The following PLA2G4E variants were observed in gnomAD, a reference collection of about 807,000 sequenced individuals.
The protein encoded by PLA2G4E is cytosolic phospholipase A2 epsilon.
Under a neutral mutation model 109.1 loss-of-function variants are expected in PLA2G4E, and 84 were observed. The ratio of observed to expected loss-of-function variants is 0.77; its 90% CI spans 0.65 to 0.92. The LOEUF is 0.92. Ranked by LOEUF, PLA2G4E falls within the 40% of genes least tolerant of loss-of-function variation. The probability of loss-of-function intolerance (pLI) is 0.00; values close to 1 mark genes in which losing one functional copy is unlikely to be tolerated. For synonymous variants in PLA2G4E, 469 were observed against 436.1 expected, an observed-to-expected ratio of 1.08 and a Z score of -0.94; for missense variants, 1,057 against 1,076.6, an observed-to-expected ratio of 0.98 and a Z score of 0.25.
intron 18 of PLA2G4E, 81 bp downstream of exon 18, chr15:41,985,758 A>G: frequency 8.8e-6 from 13 of 1,481,994 alleles, no homozygotes; most frequent in Non-Finnish European, 1.2e-5. Context: ...TTCCCAGTTC[A>G]CAGCGAGTGA....
intron 1 of PLA2G4E, among the ~76,000 whole-genome samples, chr15:42,028,370 TA>T (rs1306707408): frequency 1.1e-3 from 121 of 112,252 alleles, no homozygotes; most frequent in African/African-American, 3.2e-3. Flanking sequence ...GTTTTTATTT[TA>T]TTTATTTATT....
At chr15:42,007,856 G>C (rs765554209) in exon 3 of PLA2G4E, 6 of 1,603,364 alleles carry the variant, frequency 3.7e-6, no homozygotes, top group Non-Finnish European at 5.1e-6. Flanking sequence ...AAAACAGTCT[G>C]TCTGGCTCAC....
intron 2 of PLA2G4E, among the ~76,000 whole-genome samples, chr15:42,008,548 A>C (rs2068500944): frequency 6.6e-6 from 1 of 152,164 alleles, no homozygotes; most frequent in Admixed American, 6.5e-5. Context: ...TGAACAACCC[A>C]AGTGTGATGT....
At chr15:42,048,650 C>T (rs1237330766) in intron 1 of PLA2G4E, among the ~76,000 whole-genome samples, 6 of 152,060 alleles carry the variant, frequency 3.9e-5, no homozygotes, top group African/African-American at 9.7e-5. Context: ...ACAATGACAG[C>T]GAGCCGCATT....
intron 1 of PLA2G4E, among the ~76,000 whole-genome samples, chr15:42,039,041 A>G (rs1889268940): frequency 6.6e-6 from 1 of 152,108 alleles, no homozygotes. Flanking sequence ...GCATCTTTTC[A>G]AGATCTTTTA....
At chr15:42,029,695 GT>G (rs921134053) in intron 1 of PLA2G4E, among the ~76,000 whole-genome samples, 2 of 152,316 alleles carry the variant, frequency 1.3e-5, no homozygotes, top group African/African-American at 4.8e-5. Flanking sequence ...ACTTGGGTAA[GT>G]TTATCCCTCT....
intron 3 of PLA2G4E, among the ~76,000 whole-genome samples, chr15:42,007,252 T>C (rs1196098933): frequency 2.0e-5 from 3 of 152,194 alleles, no homozygotes; most frequent in African/African-American, 7.2e-5. Context: ...AGTCATCATA[T>C]ATCTGAAGAA....
At chr15:41,993,928 G>A (rs1378761678) in intron 12 of PLA2G4E, among the ~76,000 whole-genome samples, 1 of 152,162 alleles carries the variant, frequency 6.6e-6, no homozygotes, top group Admixed American at 6.5e-5. Flanking sequence ...CAGGCCAGGG[G>A]ACCCCACCCA....
chr15:42,022,841 C>T lies in PLA2G4E; in HGVS notation c.184-9084G>A, dbSNP rs536182716. ...GGGCCCCTGGTTTACAGAGCTCTGCCACACAACTAAGAACTGGCTAGGGAA... is the reference window on the plus strand; with the variant it reads ...GGGCCCCTGGTTTACAGAGCTCTGCTACACAACTAAGAACTGGCTAGGGAA... On this transcript the variant is annotated intron_variant, in intron 1 of 19. Coordinates refer to ENST00000399518, the Ensembl canonical transcript of PLA2G4E. Among the ~76,000 whole-genome samples the T allele has an allele frequency of 5.4e-4, 82 of 152,278 alleles. 1 individual carries two copies. The highest frequency in any genetic ancestry group is 6.8e-3 in the Middle Eastern group (2 of 294).
chr15:42,043,140 G>C (rs1889346290), intron 1 of PLA2G4E, among the ~76,000 whole-genome samples: 2 of 152,164 alleles, frequency 1.3e-5, no homozygotes, highest in Non-Finnish European at 2.9e-5. Flanking sequence ...CTAATGATCT[G>C]TTCCAGTTTT....
rs1038557355 is a variant in PLA2G4E, at chr15:41,999,521, T to C, written c.974+3A>G. On this transcript the variant is annotated splice_donor_region_variant and intron_variant, in intron 10 of 19. Coordinates refer to ENST00000399518, the Ensembl canonical transcript of PLA2G4E. ...AGGCACGGACAGAATGCGGGTACTATACCAGGGTGTAGACTTCATGTGTAA... is the reference window on the plus strand; with the variant it reads ...AGGCACGGACAGAATGCGGGTACTACACCAGGGTGTAGACTTCATGTGTAA... 5.0e-6 allele frequency: 8 copies of C among 1,594,594 alleles called. No homozygotes were observed. In the African/African-American group the frequency reaches 1.1e-4, roughly 21 times the overall value.
At chr15:41,992,710 G>A (rs1476527119) in intron 13 of PLA2G4E, 27 bp downstream of exon 13, 2 of 1,602,444 alleles carry the variant, frequency 1.2e-6, no homozygotes, top group Non-Finnish European at 1.7e-6. Flanking sequence ...AGGGCAGGGT[G>A]GGGCCCAGGA....
At chr15:41,992,490 G>A (rs2068266759) in intron 13 of PLA2G4E, among the ~76,000 whole-genome samples, 1 of 152,218 alleles carries the variant, frequency 6.6e-6, no homozygotes, top group Admixed American at 6.5e-5. Flanking sequence ...CAGAGGACGT[G>A]CTGCCCTAGG....
At chr15:41,989,633 C>A in intron 14 of PLA2G4E, 81 bp from the exon 15 acceptor site, 1 of 1,524,206 alleles carries the variant, frequency 6.6e-7, no homozygotes, top group Non-Finnish European at 8.9e-7. Context: ...CTGCCTGCAG[C>A]CACTGGCTCA....
At chr15:42,045,556 C>T (rs1488563175) in intron 1 of PLA2G4E, among the ~76,000 whole-genome samples, 1 of 152,232 alleles carries the variant, frequency 6.6e-6, no homozygotes, top group African/African-American at 2.4e-5. Context: ...ACCACCTGCT[C>T]TGTGCTCAGA....
intron 7 of PLA2G4E, among the ~76,000 whole-genome samples, 191 bp downstream of exon 7, chr15:42,000,966 C>A (rs777983481): frequency 2.6e-5 from 4 of 152,110 alleles, no homozygotes; most frequent in Non-Finnish European, 5.9e-5. Flanking sequence ...GCGAACACGC[C>A]CTTTACAGAG....
At chr15:42,006,796 C>G (rs1476427021) in intron 3 of PLA2G4E, among the ~76,000 whole-genome samples, 1 of 152,122 alleles carries the variant, frequency 6.6e-6, no homozygotes, top group Non-Finnish European at 1.5e-5. Context: ...CTCTTAAATA[C>G]ATCTAGTGGA....
chr15:42,001,332 G>T, intron 6 of PLA2G4E, 112 bp from the exon 7 acceptor site: 1 of 1,003,618 alleles, frequency 1.0e-6, no homozygotes, highest in South Asian at 1.4e-5. Flanking sequence ...TGGTCTGACT[G>T]GGCTGATGCT....
In PLA2G4E at chr15:42,004,987, G is replaced by T. The variant is rs775141587; in HGVS notation, c.526-9C>A. 1.2e-6 allele frequency: 2 copies of T among 1,612,704 alleles called. No individual in the cohort carries two copies. The highest frequency in any genetic ancestry group is 2.2e-5 in the South Asian group (2 of 90,488). On this transcript the variant is annotated splice_polypyrimidine_tract_variant and intron_variant, in intron 4 of 19. Transcript: ENST00000399518. ...TCCAGCTCTTCCATGCCCTGGTAGG[G>T]GAGGGAGGGAAGGCAGCTGTGAGTG...
Sources: gnomAD v4.1 joint callset for allele counts (sites outside exome capture counted in the v4.1 genomes callset) on GRCh38, gnomAD v4.1.1 for gene constraint, MANE v1.5 for transcripts, NCBI Gene and HGNC (gene_info 2026-07-23, HGNC 2026-07-21) for gene names.